The following IGSF11 variants were observed in gnomAD, a reference collection of about 807,000 sequenced individuals.
IGSF11 encodes the protein CXADR like 1.
IGSF11 carries 22 observed loss-of-function variants against 41.0 expected under a neutral mutation model. The ratio of observed to expected loss-of-function variants is 0.54; its 90% CI spans 0.38 to 0.77. The LOEUF (loss-of-function observed/expected upper bound fraction) is 0.77, where lower values mean the gene tolerates loss of function less well. IGSF11 is among the 30% of genes least tolerant of loss of function. IGSF11 has a pLI of 0.00. For synonymous variants in IGSF11, 219 were observed against 201.3 expected (o/e 1.09, Z -0.74); for missense variants, 444 against 530.8 (o/e 0.84, Z 1.61).
intron 1 of IGSF11, among the ~76,000 whole-genome samples, chr3:119,062,710 G>A (rs1942092443): frequency 6.6e-6 from 1 of 152,122 alleles, no homozygotes; most frequent in East Asian, 1.9e-4. Context: ...ATGTTTCTGG[G>A]TCCTATATTG....
chr3:119,118,087 C>T (rs552034613), intron 1 of IGSF11, among the ~76,000 whole-genome samples: 1 of 152,308 alleles, frequency 6.6e-6, no homozygotes, highest in African/African-American at 2.4e-5. Context: ...GTGCACAGTG[C>T]AAAGTGTTGG....
intron 4 of IGSF11, among the ~76,000 whole-genome samples, chr3:118,907,737 T>C (rs374550294): frequency 5.3e-5 from 8 of 152,284 alleles, no homozygotes; most frequent in African/African-American, 1.4e-4. Flanking sequence ...GCTATGAAAT[T>C]TGTCCAAGAT....
At chr3:119,026,087 G>A (rs1939794963) in intron 1 of IGSF11, among the ~76,000 whole-genome samples, 1 of 151,916 alleles carries the variant, frequency 6.6e-6, no homozygotes, top group Non-Finnish European at 1.5e-5. Context: ...TGACCAACAT[G>A]GTGAAACCCC....
intron 1 of IGSF11, among the ~76,000 whole-genome samples, chr3:119,008,032 T>G (rs1427391151): frequency 6.6e-6 from 1 of 152,178 alleles, no homozygotes; most frequent in Admixed American, 6.5e-5. Context: ...ATCTACTCCA[T>G]TCACTCCCCT....
At position 118,911,111 on chromosome 3, in the gene IGSF11, ATG is replaced by A. The variant is rs550220419; in HGVS notation, c.581-5395_581-5394del. ...CAGTTGCAGAGTAAGGTGTATGTTT[ATG>A]TGTGTGTGCACACACACACACATAT... On this transcript the variant is annotated intron_variant, in intron 4 of 6. Transcript: ENST00000393775. Among the ~76,000 whole-genome samples, 527 of 152,188 alleles carry A rather than the reference ATG, an allele frequency of 3.5e-3. 3 individuals are homozygous for A. The highest frequency in any genetic ancestry group is 0.011 in the African/African-American group (467 of 41,526).
chr3:118,993,094 C>A (rs1014456488), intron 1 of IGSF11, among the ~76,000 whole-genome samples: 4 of 152,176 alleles, frequency 2.6e-5, no homozygotes, highest in African/African-American at 9.6e-5. Flanking sequence ...GGCATGGTGG[C>A]ACATACCTGT....
chr3:119,040,990 CAGCT>C (rs1466804192), intron 1 of IGSF11, among the ~76,000 whole-genome samples: 2 of 151,994 alleles, frequency 1.3e-5, no homozygotes, highest in Non-Finnish European at 2.9e-5. Context: ...CTGTAAAATG[CAGCT>C]AGAGTATCTA....
chr3:119,136,224 A>G (rs186407893), intron 1 of IGSF11, among the ~76,000 whole-genome samples: 2 of 150,394 alleles, frequency 1.3e-5, no homozygotes, highest in Non-Finnish European at 2.9e-5. Context: ...ATTAAAAAGA[A>G]AAAAAGAAGA....
chr3:118,949,388 A>G (rs1390041728), intron 1 of IGSF11: 1 of 152,068 alleles, frequency 6.6e-6, no homozygotes, highest in Non-Finnish European at 1.5e-5. Flanking sequence ...AAAAAACCCT[A>G]TAGGTAGTCT....
At chr3:119,069,505 A>C (rs1942336492) in intron 1 of IGSF11, among the ~76,000 whole-genome samples, 1 of 152,202 alleles carries the variant, frequency 6.6e-6, no homozygotes, top group Non-Finnish European at 1.5e-5. Context: ...TCTGATAAAT[A>C]CATATATTGA....
intron 1 of IGSF11, among the ~76,000 whole-genome samples, chr3:118,998,472 T>TGG (rs11429630): frequency 6.6e-6 from 1 of 151,320 alleles, no homozygotes; most frequent in African/African-American, 2.4e-5. Context: ...CAAAATCCAT[T>TGG]GGGGGGGAAA....
chr3:118,992,604 T>G (rs1935895052), intron 1 of IGSF11, among the ~76,000 whole-genome samples: 1 of 152,186 alleles, frequency 6.6e-6, no homozygotes, highest in Admixed American at 6.5e-5. Flanking sequence ...GACTTATGGA[T>G]CTGGTTTTAT....
At chr3:118,937,978 T>C (rs1943399737) in intron 1 of IGSF11, among the ~76,000 whole-genome samples, 1 of 152,146 alleles carries the variant, frequency 6.6e-6, no homozygotes, top group Admixed American at 6.5e-5. Flanking sequence ...CTTTAGATTA[T>C]CACTCCTCTT....
At chr3:119,114,970 C>T (rs1039150894) in intron 1 of IGSF11, among the ~76,000 whole-genome samples, 3 of 152,062 alleles carry the variant, frequency 2.0e-5, no homozygotes, top group Admixed American at 6.5e-5. Flanking sequence ...ATGGCTGGAG[C>T]AGGAGGAAGA....
chr3:118,968,631 A>G (rs566191713), intron 1 of IGSF11, among the ~76,000 whole-genome samples: 1 of 152,318 alleles, frequency 6.6e-6, no homozygotes, highest in East Asian at 1.9e-4. Context: ...CACAAGACAG[A>G]GCAATAACTC....
chr3:118,994,189 TG>T (rs1198467308), intron 1 of IGSF11, among the ~76,000 whole-genome samples: 2 of 152,178 alleles, frequency 1.3e-5, no homozygotes, highest in Admixed American at 6.5e-5. Flanking sequence ...AATCTAGAGT[TG>T]GGCTGGCTCT....
intron 4 of IGSF11, among the ~76,000 whole-genome samples, chr3:118,923,877 T>C (rs554292235): frequency 2.4e-4 from 37 of 152,308 alleles, no homozygotes; most frequent in African/African-American, 8.7e-4. Flanking sequence ...TGTCACAATA[T>C]TGGTGAAGTT....
chr3:118,973,003 G>A (rs1933622552), intron 1 of IGSF11, among the ~76,000 whole-genome samples: 1 of 152,048 alleles, frequency 6.6e-6, no homozygotes, highest in African/African-American at 2.4e-5. Flanking sequence ...GTTTCCACCG[G>A]CAACATGGAT....
intron 1 of IGSF11, among the ~76,000 whole-genome samples, chr3:119,098,174 TA>T (rs1193271611): frequency 6.6e-6 from 1 of 151,994 alleles, no homozygotes; most frequent in African/African-American, 2.4e-5. Context: ...GCAGGTGTAT[TA>T]AAACTGCCTT....
Sources: allele counts gnomAD v4.1 joint callset (sites outside exome capture counted in the v4.1 genomes callset), GRCh38; gene constraint gnomAD v4.1.1; transcripts MANE v1.5; gene names NCBI Gene and HGNC (gene_info 2026-07-23, HGNC 2026-07-21).